The following LRP6 variants were observed in gnomAD, a reference collection of about 807,000 sequenced individuals.
LRP6 encodes the protein low-density lipoprotein receptor-related protein 6.
A neutral mutation model predicts 184.1 loss-of-function variants in LRP6; 43 were observed. The observed-to-expected ratio is 0.23, with a 90% CI of 0.18 to 0.30. LRP6 has a LOEUF of 0.30. LRP6 is among the 10% of genes least tolerant of loss of function. LRP6 has a pLI of 1.00. For synonymous variants in LRP6, 719 were observed against 684.9 expected, an observed-to-expected ratio of 1.05 and a Z score of -0.78; for missense variants, 1,571 against 2,005.3, an observed-to-expected ratio of 0.78 and a Z score of 4.14.
chr12:12,164,165 C>A, intron 9 of LRP6, 108 bp downstream of exon 9: 10 of 936,794 alleles, frequency 1.1e-5, no homozygotes, highest in Non-Finnish European at 1.5e-5. Flanking sequence ...TTTTGTTGAA[C>A]TCTGCCTGTC....
chr12:12,140,605 C>CTCTTT (rs1427181289), intron 15 of LRP6, among the ~76,000 whole-genome samples: 54 of 137,994 alleles, frequency 3.9e-4, no homozygotes, highest in Middle Eastern at 3.8e-3. Context: ...TTTTAAAAAT[C>CTCTTT]TTTTTTTTTT....
chr12:12,142,969 A>G (rs540308374), intron 15 of LRP6, among the ~76,000 whole-genome samples: 1 of 152,290 alleles, frequency 6.6e-6, no homozygotes, highest in Non-Finnish European at 1.5e-5. Flanking sequence ...CCCAGCCAGT[A>G]TAAGGAAAGA....
chr12:12,139,471 C>T (rs919000321), intron 15 of LRP6, among the ~76,000 whole-genome samples: 1 of 152,158 alleles, frequency 6.6e-6, no homozygotes, highest in Non-Finnish European at 1.5e-5. Context: ...CACCTGTAAT[C>T]TCAGTAATCT....
At chr12:12,191,777 C>T (rs1439215796) in intron 3 of LRP6, among the ~76,000 whole-genome samples, 1 of 151,532 alleles carries the variant, frequency 6.6e-6, no homozygotes, top group Non-Finnish European at 1.5e-5. Flanking sequence ...AAAAATACAT[C>T]ATTTCAGAAA....
At chr12:12,206,316 G>A (rs1225300730) in intron 2 of LRP6, among the ~76,000 whole-genome samples, 2 of 152,124 alleles carry the variant, frequency 1.3e-5, no homozygotes, top group Admixed American at 1.3e-4. Flanking sequence ...GCCGAGGCGG[G>A]CAGATCACGA....
chr12:12,174,988 G>C (rs1037653172), intron 7 of LRP6, among the ~76,000 whole-genome samples: 1 of 152,240 alleles, frequency 6.6e-6, no homozygotes, highest in African/African-American at 2.4e-5. Flanking sequence ...TGTTCTTACA[G>C]TAGACATGAA....
chr12:12,140,115 A>C (rs893175332), intron 15 of LRP6, among the ~76,000 whole-genome samples: 3 of 152,188 alleles, frequency 2.0e-5, no homozygotes, highest in African/African-American at 7.2e-5. Context: ...CTCTATCTTT[A>C]AATTTGAAGC....
At chr12:12,139,612 AC>A (rs1949900618) in intron 15 of LRP6, among the ~76,000 whole-genome samples, 1 of 152,234 alleles carries the variant, frequency 6.6e-6, no homozygotes, top group East Asian at 1.9e-4. Flanking sequence ...TAGTCCAGGT[AC>A]TCAGGAGGCT....
intron 10 of LRP6, among the ~76,000 whole-genome samples, chr12:12,161,541 G>T (rs996494883): frequency 2.6e-5 from 4 of 152,150 alleles, no homozygotes; most frequent in African/African-American, 9.7e-5. Flanking sequence ...AAGTTGCTGG[G>T]ATTACAAGCG....
chr12:12,131,096 C>CGTT, intron 18 of LRP6, among the ~76,000 whole-genome samples: 1 of 105,384 alleles, frequency 9.5e-6, no homozygotes. Flanking sequence ...AATTTCCTAA[C>CGTT]ATTTTTTTTT....
At chr12:12,147,325 A>T (rs772486946) in intron 15 of LRP6, 41 bp downstream of exon 15, 12 of 1,600,238 alleles carry the variant, frequency 7.5e-6, no homozygotes, top group Non-Finnish European at 1.0e-5. Flanking sequence ...GAATCATCTT[A>T]AAAACTCAAA....
intron 15 of LRP6, among the ~76,000 whole-genome samples, chr12:12,146,041 AATTT>A (rs1357173730): frequency 1.3e-5 from 2 of 152,124 alleles, no homozygotes; most frequent in African/African-American, 2.4e-5. Flanking sequence ...ATTTTTCTGA[AATTT>A]AATTTTTAAA....
Position 12,121,312 on chromosome 12 carries a change from T to G in LRP6, c.4656A>C (p.Thr1552=). Residue 1552 remains threonine, a synonymous_variant, in exon 23 of 23, where the codon ACA becomes ACC. Coordinates refer to ENST00000261349, the MANE Select transcript of LRP6 (RefSeq NM_002336.3). ...APSRRMTSVA[T]AKGYTSDLNY... ...TCAAGTCACTGGTATAGCCCTTGGC[T>G]GTTGCCACTGAGGTCATTCTCCGAC... The G allele has an allele frequency of 6.2e-7, 1 of 1,614,202 alleles. No individual in the cohort carries two copies. Among genetic ancestry groups the G allele is most frequent in the South Asian group, 1.1e-5 (1 of 91,078 alleles).
chr12:12,249,811 C>T (rs1341253572), intron 1 of LRP6, among the ~76,000 whole-genome samples: 1 of 152,132 alleles, frequency 6.6e-6, no homozygotes, highest in Non-Finnish European at 1.5e-5. Flanking sequence ...CTAGTTCTGT[C>T]CCTCTAACTT....
chr12:12,127,066 A>C, intron 19 of LRP6, 145 bp from the exon 20 acceptor site: 1 of 707,714 alleles, frequency 1.4e-6, no homozygotes, highest in Non-Finnish European at 2.5e-6. Flanking sequence ...TTATGAGTAC[A>C]TACATACCAC....
intron 2 of LRP6, among the ~76,000 whole-genome samples, chr12:12,206,159 T>G (rs1218976770): frequency 6.6e-6 from 1 of 152,198 alleles, no homozygotes; most frequent in East Asian, 1.9e-4. Flanking sequence ...GTTCACACAA[T>G]GATGAAATCA....
chr12:12,215,580 A>G (rs1591955033), intron 2 of LRP6, among the ~76,000 whole-genome samples: 1 of 150,924 alleles, frequency 6.6e-6, no homozygotes. Context: ...CAAACTTCTG[A>G]CCTCAGGTGA....
At position 12,201,185 on chromosome 12, in the gene LRP6, T is replaced by G. The variant is rs562558654; in HGVS notation, c.647+2018A>C. 2.3e-3 allele frequency among the ~76,000 whole-genome samples: 354 copies of G among 152,260 alleles called. 1 individual carries two copies. The highest frequency in any genetic ancestry group is 8.3e-3 in the African/African-American group (343 of 41,546). On this transcript the variant is annotated intron_variant, in intron 3 of 22. Transcript: ENST00000261349. The stretch of plus-strand genomic sequence containing the variant: ...TCTTTATCTGAACCTTCTCTTTCCT[T>G]CCCCTCCTGTTTTACTCTATTCTAT...
At chr12:12,252,166 T>C (rs1865338848) in intron 1 of LRP6, among the ~76,000 whole-genome samples, 1 of 152,236 alleles carries the variant, frequency 6.6e-6, no homozygotes, top group Non-Finnish European at 1.5e-5. Flanking sequence ...ATTACAGGCA[T>C]GGGCCACCGC....
Sources: allele counts gnomAD v4.1 joint callset (sites outside exome capture counted in the v4.1 genomes callset), GRCh38; gene constraint gnomAD v4.1.1; transcripts MANE v1.5; gene names NCBI Gene and HGNC (gene_info 2026-07-23, HGNC 2026-07-21).